Variants in MESP1 observed in about 807,000 individuals in gnomAD.
MESP1 encodes the protein mesoderm posterior protein 1.
A neutral mutation model predicts 15.2 loss-of-function variants in MESP1; 22 were observed. The observed-to-expected ratio is 1.45, with a 90% CI of 1.04 to 2.07. The LOEUF is 2.07. Ranked by LOEUF, MESP1 falls within the 30% of genes most tolerant of loss-of-function variation. The pLI, the probability that MESP1 is intolerant of heterozygous loss-of-function variation, is 0.00. For synonymous variants in MESP1, 216 were observed against 192.6 expected, an observed-to-expected ratio of 1.12 and a Z score of -1.01; for missense variants, 484 against 411.9, an observed-to-expected ratio of 1.17 and a Z score of -1.51.
chr15:89,733,102 A>G, the MESP1 span: 1 of 1,614,230 alleles, frequency 6.2e-7, no homozygotes, highest in Admixed American at 1.7e-5. Context: ...CAGAATATGT[A>G]TCCTGAAGGT....
At chr15:89,747,673 G>C (rs1967997876), downstream of MESP1, among the ~76,000 whole-genome samples, 1 of 152,188 alleles carries the variant, frequency 6.6e-6, no homozygotes, top group African/African-American at 2.4e-5. Context: ...CAGCACACCT[G>C]GTGATTACGC....
Position 89,749,966 on chromosome 15 carries a change from C to T in MESP1, c.*178G>A, listed in dbSNP as rs1158447832. 11 of 642,154 alleles carry T rather than the reference C, an allele frequency of 1.7e-5. No homozygotes were observed. The highest frequency in any genetic ancestry group is 2.8e-5 in the Non-Finnish European group (10 of 353,826). 39.8% of individuals were successfully genotyped at this position (642,154 alleles called of 1,614,324 possible). ...AAGTGTCTAGCCCTATGGGTCCCTC[C>T]ATGGAGGGAGGGGCTGAGAAGGGCC... is the stretch of plus-strand genomic sequence containing the variant. On this transcript the variant is annotated 3_prime_UTR_variant, in exon 2 of 2. Coordinates refer to ENST00000300057, the MANE Select transcript of MESP1 (RefSeq NM_018670.4).
chr15:89,748,091 C>T (rs77091824), downstream of MESP1, among the ~76,000 whole-genome samples: 2,475 of 152,354 alleles, frequency 0.016, 36 homozygotes, highest in Non-Finnish European at 0.025. Flanking sequence ...AGGAGAAGCC[C>T]TCTGCAGGGA....
chr15:89,745,518 C>A (rs113566624), downstream of MESP1, among the ~76,000 whole-genome samples: 3,401 of 152,260 alleles, frequency 0.022, 136 homozygotes, highest in African/African-American at 0.078. The surrounding 1 kb of genome is among the most constrained non-coding windows in gnomAD (Gnocchi z 4.8). Flanking sequence ...AATCCCAGCA[C>A]TTTGGAAGGC....
chr15:89,749,804 C>CT (rs1456919885), downstream of MESP1: 1 of 259,602 alleles, frequency 3.9e-6, no homozygotes, highest in African/African-American at 2.2e-5. Context: ...CCCCTCCCAC[C>CT]TCTCCCATGC....
the MESP1 span, chr15:89,738,178 A>G: frequency 1.2e-6 from 2 of 1,614,172 alleles, no homozygotes; most frequent in Non-Finnish European, 1.7e-6. Context: ...CTTGGATAAC[A>G]TGGCCTTCCC....
chr15:89,738,239 A>C, the MESP1 span: 2 of 1,598,750 alleles, frequency 1.3e-6, no homozygotes, highest in South Asian at 2.3e-5. Context: ...CAGAAGAGGT[A>C]AAGAGCTCTG....
the MESP1 span, chr15:89,735,369 A>C: frequency 7.2e-6 from 7 of 977,972 alleles, no homozygotes; most frequent in African/African-American, 3.2e-5. Flanking sequence ...GCTACTATGA[A>C]CAGCCTCCTC....
the MESP1 span, chr15:89,733,318 CT>C: frequency 8.9e-7 from 1 of 1,119,554 alleles, no homozygotes; most frequent in Non-Finnish European, 1.3e-6. Context: ...TACAGTCCAC[CT>C]TTTGTATAGT....
At chr15:89,741,597 A>G in the MESP1 span, among the ~76,000 whole-genome samples, 1 of 152,196 alleles carries the variant, frequency 6.6e-6, no homozygotes, top group Non-Finnish European at 1.5e-5. Flanking sequence ...AATATAAAGT[A>G]CACATTGCTA....
the MESP1 span, chr15:89,732,928 T>C: frequency 2.0e-4 from 269 of 1,346,192 alleles, no homozygotes; most frequent in Non-Finnish European, 2.6e-4. Flanking sequence ...CTCACACACT[T>C]GCTGGTCACA....
chr15:89,745,358 G>A (rs763618746), downstream of MESP1, among the ~76,000 whole-genome samples: 12 of 152,178 alleles, frequency 7.9e-5, no homozygotes, highest in Non-Finnish European at 1.3e-4. This position sits in a 1 kb window ranked among gnomAD's most constrained non-coding sequence, Gnocchi z 4.8. Flanking sequence ...GGTAGGCTGC[G>A]CTGCCAGGGC....
In MESP1 at chr15:89,750,968, A is replaced by G. The variant is rs752378374; in HGVS notation, c.264T>C (p.Ser88=). 108 of 1,437,814 alleles carry G rather than the reference A, an allele frequency of 7.5e-5. No individual in the cohort carries two copies. Among genetic ancestry groups the G allele is most frequent in the African/African-American group, 1.2e-4 (8 of 67,650 alleles). 89.1% of individuals were successfully genotyped at this position (1,437,814 alleles called of 1,614,324 possible). A position where few individuals can be genotyped will look rare whatever the true frequency, so the allele number is the denominator to read the frequency against. Residue 88 remains serine, a synonymous_variant, in exon 1 of 2, where the codon AGT becomes AGC. Transcript: ENST00000300057. ...TGCGCATGCGCAGTTTCTCCCGCTCACTGGCGCTCTGCCTCTGCCCGCTGC... is the reference window on the plus strand; with the variant it reads ...TGCGCATGCGCAGTTTCTCCCGCTCGCTGGCGCTCTGCCTCTGCCCGCTGC... The part of the protein sequence containing the change: ...RLGSGQRQSA[S]EREKLRMRTL...
chr15:89,738,116 C>A, the MESP1 span: 1 of 1,614,072 alleles, frequency 6.2e-7, no homozygotes, highest in Non-Finnish European at 8.5e-7. Context: ...AATTTTGAGG[C>A]CTGCCCACTC....
chr15:89,737,560 C>A, the MESP1 span: 1 of 1,614,194 alleles, frequency 6.2e-7, no homozygotes. Flanking sequence ...CTCACCATCT[C>A]TTTGCTTCCC....
At chr15:89,750,321 C>A (rs1200164606) in intron 1 of MESP1, 94 bp from the exon 2 acceptor site, 39 of 1,563,542 alleles carry the variant, frequency 2.5e-5, no homozygotes, top group Non-Finnish European at 3.1e-5. Flanking sequence ...GGGCCCCTAG[C>A]GAGGGGAGAC....
At position 89,750,866 on chromosome 15, in the gene MESP1, C is replaced by A; in HGVS notation, c.366G>T (p.Lys122Asn). 1 of 1,527,304 alleles carries A rather than the reference C, an allele frequency of 6.5e-7. No individual in the cohort carries two copies. Among genetic ancestry groups the A allele is most frequent in the Non-Finnish European group, 8.8e-7 (1 of 1,142,428 alleles). 94.6% of individuals were successfully genotyped at this position (1,527,304 alleles called of 1,614,324 possible). ...GGATAGCCAGGCGCAGCGTCTCGATCTTGGTCAGGCTCTGGCCCGCGGGCG... is the reference window on the plus strand; with the variant it reads ...GGATAGCCAGGCGCAGCGTCTCGATATTGGTCAGGCTCTGGCCCGCGGGCG... ...SVAPAGQSLT[K>N]IETLRLAIRY... The change falls in exon 1 of 2, where the codon AAG becomes AAT. Residue 122 changes from lysine to asparagine, a missense_variant. Transcript: ENST00000300057.
the MESP1 span, among the ~76,000 whole-genome samples, chr15:89,742,886 A>G: frequency 6.6e-6 from 1 of 152,208 alleles, no homozygotes; most frequent in Non-Finnish European, 1.5e-5. Flanking sequence ...TAAAAGTTGG[A>G]ATCATACAGT....
At chr15:89,737,146 G>A in the MESP1 span, among the ~76,000 whole-genome samples, 1 of 152,158 alleles carries the variant, frequency 6.6e-6, no homozygotes, top group Admixed American at 6.6e-5. Context: ...AGAGGAAAGA[G>A]CCCAGGCAAG....
Sources: gnomAD v4.1 joint callset for allele counts (sites outside exome capture counted in the v4.1 genomes callset) on GRCh38, gnomAD v4.1.1 for gene constraint, Gnocchi (gnomAD v3.1) non-coding constraint, MANE v1.5 for transcripts, NCBI Gene and HGNC (gene_info 2026-07-23, HGNC 2026-07-21) for gene names.